UBTF: variants seen among roughly 807,000 people sequenced by gnomAD.
The protein encoded by UBTF is upstream binding transcription factor, also known as nucleolar transcription factor 1.
A neutral mutation model predicts 112.3 loss-of-function variants in UBTF; 8 were observed. The ratio of observed to expected loss-of-function variants is 0.07; its 90% CI spans 0.04 to 0.13. The LOEUF (loss-of-function observed/expected upper bound fraction) is 0.13, where lower values mean the gene tolerates loss of function less well. Among genes scored for constraint, UBTF ranks in the 10% least tolerant of loss-of-function variants. The pLI, the probability that UBTF is intolerant of heterozygous loss-of-function variation, is 1.00. For synonymous variants in UBTF, 417 were observed against 373.1 expected, an observed-to-expected ratio of 1.12 and a Z score of -1.36; for missense variants, 457 against 982.1, an observed-to-expected ratio of 0.47 and a Z score of 7.15.
At chr17:44,220,551 T>C (rs547282825), upstream of UBTF, among the ~76,000 whole-genome samples, 4 of 146,152 alleles carry the variant, frequency 2.7e-5, no homozygotes, top group African/African-American at 1.0e-4. Flanking sequence ...AAAAAAAAAA[T>C]CCCCGTTGCT....
At chr17:44,212,191 G>A in intron 8 of UBTF, 153 bp downstream of exon 8, 1 of 399,932 alleles carries the variant, frequency 2.5e-6, no homozygotes. Flanking sequence ...GGTGGGGGGT[G>A]GGGAAGGTAG....
intron 5 of UBTF, among the ~76,000 whole-genome samples, chr17:44,213,821 G>T (rs942800999): frequency 1.3e-5 from 2 of 152,112 alleles, no homozygotes; most frequent in African/African-American, 2.4e-5. Flanking sequence ...TCCAATACAA[G>T]TCTCAGCCAG....
chr17:44,208,114 TTTTTTTGA>T, intron 17 of UBTF, among the ~76,000 whole-genome samples: 1 of 97,452 alleles, frequency 1.0e-5, no homozygotes, highest in South Asian at 3.0e-4. Context: ...TTTTTTTTTT[TTTTTTTGA>T]AACAGGGTCT....
intron 7 of UBTF, 59 bp from the exon 8 acceptor site, chr17:44,212,513 G>A (rs1228831499): frequency 2.0e-6 from 2 of 999,752 alleles, no homozygotes; most frequent in East Asian, 2.6e-5. Context: ...GAGGGGGGAA[G>A]GGGGAAGGGG....
chr17:44,214,861 C>A (rs1169764453), intron 5 of UBTF, among the ~76,000 whole-genome samples: 1 of 152,210 alleles, frequency 6.6e-6, no homozygotes, highest in African/African-American at 2.4e-5. Flanking sequence ...TGTCCCGTGT[C>A]TCTTCTTTGT....
chr17:44,207,882 A>G lies in UBTF; in HGVS notation c.1935T>C (p.Tyr645=), dbSNP rs748202933. Residue 645 remains tyrosine, a synonymous_variant, in exon 18 of 21, where the codon TAT becomes TAC. Coordinates refer to ENST00000436088, the MANE Select transcript of UBTF (RefSeq NM_014233.4). ...GACTCACATTGGAGATGTACTCTTT[A>G]TATGCTGCACGGTCCTGGGGAGACA... ...KSLSPQDRAA[Y]KEYISNKRKS... is the part of the protein sequence containing the mutation. 29 of 1,613,718 alleles carry G rather than the reference A, an allele frequency of 1.8e-5. No homozygotes were observed. Among genetic ancestry groups the G allele is most frequent in the Non-Finnish European group, 5.9e-6 (7 of 1,179,994 alleles).
chr17:44,212,145 G>GGTGCC, intron 8 of UBTF, 139 bp from the exon 9 acceptor site: 1 of 704,448 alleles, frequency 1.4e-6, no homozygotes, highest in Non-Finnish European at 2.2e-6. Flanking sequence ...CACGAGACGT[G>GGTGCC]GTGCCCTGCC....
At chr17:44,214,475 C>T (rs1007662432) in intron 5 of UBTF, among the ~76,000 whole-genome samples, 1 of 152,224 alleles carries the variant, frequency 6.6e-6, no homozygotes, top group Admixed American at 6.5e-5. Context: ...GCACCTTGTC[C>T]ACTCTACCAG....
In UBTF at chr17:44,211,357, C is replaced by T. The variant is rs376758748; in HGVS notation, c.1048-26G>A. 7 of 1,613,546 alleles carry T rather than the reference C, an allele frequency of 4.3e-6. No individual in the cohort carries two copies. The highest frequency in any genetic ancestry group is 4.0e-5 in the African/African-American group (3 of 74,942). ...CTGGGAAAGTGAGTGGAGTCAGGAT[C>T]AGTCTGGAGACAGTGTCACCACAGA... On this transcript the variant is annotated intron_variant, in intron 10 of 20. Transcript: ENST00000436088. The surrounding 1 kb of genome is among the most constrained non-coding windows in gnomAD (Gnocchi z 4.9).
upstream of UBTF, among the ~76,000 whole-genome samples, chr17:44,220,111 C>G (rs2047107271): frequency 6.8e-6 from 1 of 147,732 alleles, no homozygotes; most frequent in Admixed American, 6.7e-5. Flanking sequence ...GGCAGGGAGA[C>G]ACGCAGCCGC....
At position 44,207,365 on chromosome 17, in the gene UBTF, A is replaced by G. The variant is rs750912671; in HGVS notation, c.2172T>C (p.Asn724=). The G allele has an allele frequency of 3.1e-6, 5 of 1,611,910 alleles. No homozygotes were observed. Among genetic ancestry groups the G allele is most frequent in the Non-Finnish European group, 2.5e-6 (3 of 1,179,224 alleles). ...SEDESEDGDE[N]EEDDEDEDDD... is the part of the protein sequence containing the mutation. Reference sequence around the variant, plus strand: ...CGTCTTCGTCCTCGTCATCCTCTTCATTCTGGGGGGTGAGAAAGGATGTGG... The same window carrying G: ...CGTCTTCGTCCTCGTCATCCTCTTCGTTCTGGGGGGTGAGAAAGGATGTGG... The change falls in exon 21 of 21, where the codon AAT becomes AAC. Residue 724 remains asparagine (N), a splice_region_variant and synonymous_variant. Transcript: ENST00000436088.
In UBTF at chr17:44,207,449, C is replaced by T. The variant is rs772265216; in HGVS notation, c.2169+5G>A. The stretch of plus-strand genomic sequence containing the variant: ...TCCCCTCCCACTGTGCCCTGTCTGC[C>T]CCACCTCATCCCCATCCTCGCTCTC... On this transcript the variant is annotated splice_donor_5th_base_variant and intron_variant, in intron 20 of 20. Transcript: ENST00000436088. 5 of 1,613,424 alleles carry T rather than the reference C, an allele frequency of 3.1e-6. No homozygotes were observed. The highest frequency in any genetic ancestry group is 4.2e-6 in the Non-Finnish European group (5 of 1,179,682).
At chr17:44,220,535 C>T (rs1434178004), upstream of UBTF, among the ~76,000 whole-genome samples, 7 of 151,242 alleles carry the variant, frequency 4.6e-5, no homozygotes, top group East Asian at 2.0e-4. Context: ...AAAACCTCTG[C>T]ATTAAAAAAA....
chr17:44,207,401 T>C, intron 20 of UBTF, 34 bp from the exon 21 acceptor site: 1 of 1,611,882 alleles, frequency 6.2e-7, no homozygotes, highest in Non-Finnish European at 8.5e-7. Context: ...AGTCACCAGG[T>C]GGCCCTCCTG....
intron 5 of UBTF, 193 bp downstream of exon 5, chr17:44,215,461 T>C (rs2046802705): frequency 1.5e-6 from 1 of 648,824 alleles, no homozygotes; most frequent in Non-Finnish European, 2.6e-6. Context: ...ACATCTGTGA[T>C]GGTGCCTGTG....
At chr17:44,208,641 C>T in intron 17 of UBTF, 1 of 158,868 alleles carries the variant, frequency 6.3e-6, no homozygotes, top group Non-Finnish European at 1.4e-5. Flanking sequence ...ACAGCAAATC[C>T]CCACAGTCTT....
intron 2 of UBTF, among the ~76,000 whole-genome samples, chr17:44,217,037 T>C (rs2046879559): frequency 1.3e-5 from 2 of 152,156 alleles, no homozygotes; most frequent in African/African-American, 2.4e-5. Flanking sequence ...GAAGGTACAG[T>C]GATTCAGGGC....
chr17:44,207,777 G>A lies in UBTF; in HGVS notation c.1954-7C>T. 1 of 1,614,164 alleles carries A rather than the reference G, an allele frequency of 6.2e-7. No homozygotes were observed. Among genetic ancestry groups the A allele is most frequent in the Non-Finnish European group, 8.5e-7 (1 of 1,180,028 alleles). Reference sequence around the variant, plus strand: ...TGGTCATGCTCTTACGTTTCTGCAGGATGGGGACACAAAGGTGGCAGCCAT... The same window carrying A: ...TGGTCATGCTCTTACGTTTCTGCAGAATGGGGACACAAAGGTGGCAGCCAT... On this transcript the variant is annotated splice_region_variant and splice_polypyrimidine_tract_variant and intron_variant, in intron 18 of 20. Coordinates refer to ENST00000436088, the MANE Select transcript of UBTF (RefSeq NM_014233.4).
chr17:44,215,440 C>T (rs2046801762), intron 5 of UBTF: 1 of 594,034 alleles, frequency 1.7e-6, no homozygotes, highest in Admixed American at 3.1e-5. Context: ...TGAGCACCTG[C>T]TGTCTGGTTT....
Sources: gnomAD v4.1 joint callset for allele counts (sites outside exome capture counted in the v4.1 genomes callset) on GRCh38, gnomAD v4.1.1 for gene constraint, Gnocchi (gnomAD v3.1) non-coding constraint, MANE v1.5 for transcripts, NCBI Gene and HGNC (gene_info 2026-07-23, HGNC 2026-07-21) for gene names.